The following FGF2 variants were observed in gnomAD, a reference collection of about 807,000 sequenced individuals.
FGF2 encodes fibroblast growth factor 2.
In FGF2, 13 loss-of-function variants were observed where a neutral mutation model predicts 15.9. The observed-to-expected ratio is 0.82, with a 90% CI of 0.53 to 1.30. The LOEUF is 1.30. Among genes scored for constraint, FGF2 ranks in the 50% most tolerant of loss-of-function variants. The pLI is 0.00. For synonymous variants in FGF2, 90 were observed against 78.4 expected, an observed-to-expected ratio of 1.15 and a Z score of -0.78; for missense variants, 163 against 196.9, an observed-to-expected ratio of 0.83 and a Z score of 1.03.
At chr4:122,828,401 T>C (rs756271408) in intron 1 of FGF2, among the ~76,000 whole-genome samples, 6 of 152,236 alleles carry the variant, frequency 3.9e-5, no homozygotes, top group Admixed American at 6.5e-5. Flanking sequence ...CCTGTCCTCC[T>C]GTAAGTGTAT....
Position 122,897,685 on chromosome 4 carries a change from T to TA in FGF2, c.*5290dup. 1 of 1,570,558 alleles carries TA rather than the reference T, an allele frequency of 6.4e-7. No individual in the cohort carries two copies. Among genetic ancestry groups the TA allele is most frequent in the Non-Finnish European group, 8.8e-7 (1 of 1,140,434 alleles). On this transcript the variant is annotated 3_prime_UTR_variant, in exon 3 of 3. Transcript: ENST00000644866. ...ACTTCCACATATTTTTCAACTGCAGTATAAAGTCAGAAAATAAAGTTAACA... is the reference window on the plus strand; with the variant it reads ...ACTTCCACATATTTTTCAACTGCAGTAATAAAGTCAGAAAATAAAGTTAACA...
chr4:122,877,034 C>T (rs933707021), intron 2 of FGF2, among the ~76,000 whole-genome samples: 2 of 152,058 alleles, frequency 1.3e-5, no homozygotes, highest in Non-Finnish European at 2.9e-5. Context: ...GCATCTGACA[C>T]GTAATAGATC....
chr4:122,876,513 G>T, intron 2 of FGF2, 89 bp downstream of exon 2: 1 of 845,434 alleles, frequency 1.2e-6, no homozygotes, highest in Non-Finnish European at 2.0e-6. Context: ...TCTTTATAAA[G>T]GATTTTACGT....
intron 1 of FGF2, among the ~76,000 whole-genome samples, chr4:122,839,099 A>T (rs1226473621): frequency 6.6e-6 from 1 of 152,204 alleles, no homozygotes; most frequent in Non-Finnish European, 1.5e-5. Context: ...AGTACACTCT[A>T]TGATGTTCAC....
chr4:122,871,831 C>T (rs1004940528), intron 1 of FGF2, among the ~76,000 whole-genome samples: 1 of 140,932 alleles, frequency 7.1e-6, no homozygotes, highest in Non-Finnish European at 1.5e-5. Context: ...GCATCAACAA[C>T]AACAAAAAAT....
chr4:122,834,791 A>G (rs910887674), intron 1 of FGF2, among the ~76,000 whole-genome samples: 2 of 152,194 alleles, frequency 1.3e-5, no homozygotes, highest in African/African-American at 4.8e-5. Flanking sequence ...CCCAAAACTC[A>G]ACTGCCTTTA....
intron 1 of FGF2, among the ~76,000 whole-genome samples, chr4:122,837,408 T>A (rs776137170): frequency 2.0e-5 from 3 of 152,178 alleles, no homozygotes; most frequent in Non-Finnish European, 4.4e-5. Context: ...ATTTAAAAAA[T>A]TACTTTTGGA....
chr4:122,834,388 G>A (rs573051400), intron 1 of FGF2, among the ~76,000 whole-genome samples: 4 of 152,302 alleles, frequency 2.6e-5, no homozygotes, highest in Admixed American at 1.3e-4. Flanking sequence ...GAATCAGTAC[G>A]TTCTTCTACA....
At chr4:122,886,112 G>A (rs1262158010) in intron 2 of FGF2, among the ~76,000 whole-genome samples, 7 of 151,454 alleles carry the variant, frequency 4.6e-5, no homozygotes, top group Non-Finnish European at 4.4e-5. Flanking sequence ...GTAGAGATGA[G>A]GTCTCACTAT....
In FGF2 at chr4:122,827,249, C is replaced by G. The variant is rs1725660492; in HGVS notation, c.75C>G (p.His25Gln). ...DGGSGAFPPG[H>Q]FKDPKRLYCK... ...GCAGCGGCGCCTTCCCGCCCGGCCA[C>G]TTCAAGGACCCCAAGCGGCTGTACT... is the stretch of plus-strand genomic sequence containing the variant. Residue 25 changes from histidine to glutamine, a missense_variant, in exon 1 of 3, where the codon CAC becomes CAG. Physicochemically the swap from His to Gln is conservative, Grantham distance 24. Coordinates refer to ENST00000644866, the MANE Select transcript of FGF2 (RefSeq NM_001361665.2). This position sits in a 1 kb window ranked among gnomAD's most constrained non-coding sequence, Gnocchi z 4.2. The G allele has an allele frequency of 2.5e-6, 4 of 1,612,448 alleles. No homozygotes were observed. In the East Asian group the frequency reaches 8.9e-5, roughly 36 times the overall value.
intron 1 of FGF2, among the ~76,000 whole-genome samples, chr4:122,846,603 A>G (rs79178104): frequency 0.025 from 3,796 of 152,328 alleles, 175 homozygotes; most frequent in African/African-American, 0.086. Flanking sequence ...GAAGACTGAG[A>G]TCTGAAAAGG....
chr4:122,892,570 A>T lies in FGF2; in HGVS notation c.*174A>T. The T allele has an allele frequency of 1.4e-6, 2 of 1,450,176 alleles. No homozygotes were observed. The highest frequency in any genetic ancestry group is 1.8e-6 in the Non-Finnish European group (2 of 1,107,144). 89.8% of individuals were successfully genotyped at this position (1,450,176 alleles called of 1,614,324 possible). A position where few individuals can be genotyped will look rare whatever the true frequency, so the allele number is the denominator to read the frequency against. ...ATTGTCCCAGTAAAGAAAAATAACA[A>T]AAGTTGTAAAATGTATATTCTCCCT... is the stretch of plus-strand genomic sequence containing the variant. On this transcript the variant is annotated 3_prime_UTR_variant, in exon 3 of 3. Coordinates refer to ENST00000644866, the MANE Select transcript of FGF2 (RefSeq NM_001361665.2).
intron 1 of FGF2, among the ~76,000 whole-genome samples, chr4:122,853,417 A>G (rs150444042): frequency 6.6e-6 from 1 of 152,362 alleles, no homozygotes; most frequent in Non-Finnish European, 1.5e-5. Context: ...AAGTTCATGT[A>G]TATTATAAAT....
chr4:122,827,331 C>A lies in FGF2; in HGVS notation c.157C>A (p.Arg53=), dbSNP rs1424847946. The A allele has an allele frequency of 6.2e-7, 1 of 1,612,976 alleles. No individual in the cohort carries two copies. Among genetic ancestry groups the A allele is most frequent in the Middle Eastern group, 1.7e-4 (1 of 6,060 alleles). Residue 53 remains arginine, a synonymous_variant, in exon 1 of 3, where the codon CGG becomes AGG. Transcript: ENST00000644866. The surrounding 1 kb of genome is among the most constrained non-coding windows in gnomAD (Gnocchi z 4.2). ...CCCCGACGGCCGAGTTGACGGGGTC[C>A]GGGAGAAGAGCGACCCTCACAGTGA... is the stretch of plus-strand genomic sequence containing the variant. The part of the protein sequence containing the change: ...IHPDGRVDGV[R]EKSDPHIKLQ...
chr4:122,846,643 C>G (rs1432764191), intron 1 of FGF2, among the ~76,000 whole-genome samples: 1 of 152,142 alleles, frequency 6.6e-6, no homozygotes, highest in Non-Finnish European at 1.5e-5. Context: ...CAAGTGCTTA[C>G]AGCTTTAGAG....
intron 2 of FGF2, among the ~76,000 whole-genome samples, chr4:122,878,795 A>T (rs1175955801): frequency 6.6e-6 from 1 of 152,150 alleles, no homozygotes; most frequent in East Asian, 1.9e-4. Context: ...CTTGTGATTG[A>T]TTAGATTTAG....
intron 1 of FGF2, among the ~76,000 whole-genome samples, chr4:122,870,830 T>C (rs867683158): frequency 6.6e-6 from 1 of 152,150 alleles, no homozygotes; most frequent in African/African-American, 2.4e-5. Context: ...CCTTCAGTTC[T>C]TCTATGATCT....
At chr4:122,870,170 C>T (rs145696219) in intron 1 of FGF2, among the ~76,000 whole-genome samples, 2,174 of 152,170 alleles carry the variant, frequency 0.014, 56 homozygotes, top group African/African-American at 0.049. Flanking sequence ...GCCTTGCATC[C>T]CAGGGATGAA....
At chr4:122,878,406 G>T (rs558048487) in intron 2 of FGF2, among the ~76,000 whole-genome samples, 5 of 152,226 alleles carry the variant, frequency 3.3e-5, no homozygotes, top group Non-Finnish European at 7.4e-5. Context: ...AAAAGGTGTG[G>T]ATAAAAAATC....
Sources: gnomAD v4.1 joint callset for allele counts (sites outside exome capture counted in the v4.1 genomes callset) on GRCh38, gnomAD v4.1.1 for gene constraint, Gnocchi (gnomAD v3.1) non-coding constraint, MANE v1.5 for transcripts, NCBI Gene and HGNC (gene_info 2026-07-23, HGNC 2026-07-21) for gene names.